Variants in XPOT observed in about 807,000 individuals in gnomAD.
XPOT encodes exportin-T.
In XPOT, 34 loss-of-function variants were observed where a neutral mutation model predicts 128.2. The observed-to-expected ratio is 0.27, with a 90% CI of 0.20 to 0.35. XPOT has a LOEUF of 0.35. XPOT is among the 10% of genes least tolerant of loss of function. The pLI, the probability that XPOT is intolerant of heterozygous loss-of-function variation, is 1.00. For synonymous variants in XPOT, 348 were observed against 394.3 expected (o/e 0.88, Z 1.39); for missense variants, 838 against 1,125.3 (o/e 0.74, Z 3.65).
chr12:64,425,126 G>C lies in XPOT; in HGVS notation c.1396G>C (p.Ala466Pro). The C allele has an allele frequency of 6.2e-7, 1 of 1,614,030 alleles. No homozygotes were observed. The highest frequency in any genetic ancestry group is 8.5e-7 in the Non-Finnish European group (1 of 1,179,990). ...LAEALPVSHG[A>P]HFSGDVSKAS... Reference sequence around the variant, plus strand: ...AGAAGCTCTTCCAGTATCTCATGGTGCTCACTTCTCAGGTGATGTTTCAAA... The same window carrying C: ...AGAAGCTCTTCCAGTATCTCATGGTCCTCACTTCTCAGGTGATGTTTCAAA... Residue 466 changes from alanine (A) to proline (P), a missense_variant, in exon 13 of 25, where the codon GCT becomes CCT. By Grantham distance (27) the Ala-to-Pro change is conservative (BLOSUM62 -1). Transcript: ENST00000332707.
At chr12:64,438,305 C>T (rs2040299184) in intron 22 of XPOT, among the ~76,000 whole-genome samples, 1 of 152,148 alleles carries the variant, frequency 6.6e-6, no homozygotes, top group African/African-American at 2.4e-5. Flanking sequence ...TATAAGTTTA[C>T]TTTCCCTGAT....
At position 64,410,076 on chromosome 12, in the gene XPOT, A is replaced by T; in HGVS notation, c.41A>T (p.Asp14Val). Residue 14 changes from aspartate to valine, a missense_variant, in exon 2 of 25, where the codon GAT becomes GTT. By Grantham distance (152) the Asp-to-Val change is radical (BLOSUM62 -3). Transcript: ENST00000332707. ...CTATTAGGGCTAAATCCAAATGCTGATTCAGACTTTAGACAAAGGGTAAGT... is the reference window on the plus strand; with the variant it reads ...CTATTAGGGCTAAATCCAAATGCTGTTTCAGACTTTAGACAAAGGGTAAGT... ...QALLGLNPNA[D>V]SDFRQRALAY... 1.9e-6 allele frequency: 3 copies of T among 1,613,908 alleles called. No individual in the cohort carries two copies. The highest frequency in any genetic ancestry group is 1.7e-6 in the Non-Finnish European group (2 of 1,179,998).
At chr12:64,440,505 T>C (rs1474732170) in intron 23 of XPOT, among the ~76,000 whole-genome samples, 1 of 152,202 alleles carries the variant, frequency 6.6e-6, no homozygotes, top group Non-Finnish European at 1.5e-5. Context: ...TATATGGTAG[T>C]CCTATTTTTA....
chr12:64,411,998 C>T (rs2040042392), intron 2 of XPOT, among the ~76,000 whole-genome samples: 1 of 150,288 alleles, frequency 6.7e-6, no homozygotes, highest in African/African-American at 2.4e-5. Flanking sequence ...TATCTCTCCT[C>T]TCCTTCCTCT....
intron 22 of XPOT, among the ~76,000 whole-genome samples, chr12:64,437,566 A>G (rs1275987835): frequency 1.3e-5 from 2 of 152,238 alleles, no homozygotes; most frequent in African/African-American, 4.8e-5. Flanking sequence ...GGCAGAAGTG[A>G]TAGCTAAAAA....
At chr12:64,418,360 T>C (rs1421795685) in intron 5 of XPOT, among the ~76,000 whole-genome samples, 3 of 152,204 alleles carry the variant, frequency 2.0e-5, no homozygotes, top group African/African-American at 4.8e-5. Flanking sequence ...TTTTAAAATG[T>C]AGTTGTTTTT....
rs912830093 is a variant in XPOT, at chr12:64,409,910, A to T, written c.-74-52A>T. 25 of 737,600 alleles carry T rather than the reference A, an allele frequency of 3.4e-5. 1 individual carries two copies. The highest frequency in any genetic ancestry group is 5.8e-5 in the Non-Finnish European group (24 of 414,394). 45.7% of individuals were successfully genotyped at this position (737,600 alleles called of 1,614,324 possible). The stretch of plus-strand genomic sequence containing the variant: ...TCCATTTACGTTATTCAGGATAAGC[A>T]TCTATTTGTTTATCAAGTAATGTTT... On this transcript the variant is annotated intron_variant, in intron 1 of 24. Transcript: ENST00000332707.
chr12:64,436,452 A>G (rs7954778), intron 22 of XPOT, among the ~76,000 whole-genome samples: 135,855 of 151,752 alleles, frequency 0.9, 60,998 homozygotes, highest in Admixed American at 0.94. Flanking sequence ...TAGAGATGGG[A>G]TTTCACCATG....
At chr12:64,444,495 A>G (rs1391323684) in intron 23 of XPOT, among the ~76,000 whole-genome samples, 1 of 152,250 alleles carries the variant, frequency 6.6e-6, no homozygotes, top group East Asian at 1.9e-4. Context: ...TAATCCTGTC[A>G]TATGCTATAA....
At chr12:64,437,130 T>C (rs1230128173) in intron 22 of XPOT, among the ~76,000 whole-genome samples, 1 of 152,166 alleles carries the variant, frequency 6.6e-6, no homozygotes, top group African/African-American at 2.4e-5. Flanking sequence ...TGATAGAGAC[T>C]TGAAGTGTTT....
intron 11 of XPOT, 143 bp downstream of exon 11, chr12:64,423,387 G>A: frequency 1.8e-6 from 1 of 563,204 alleles, no homozygotes; most frequent in Non-Finnish European, 3.0e-6. Context: ...CACCAACCTT[G>A]GGTGAAATTA....
At chr12:64,429,210 G>C (rs145071529) in intron 16 of XPOT, among the ~76,000 whole-genome samples, 1 of 152,120 alleles carries the variant, frequency 6.6e-6, no homozygotes, top group African/African-American at 2.4e-5. Flanking sequence ...GTTCAAGGCC[G>C]CAGAAGAAAA....
At chr12:64,415,065 G>T in intron 3 of XPOT, 76 bp downstream of exon 3, 2 of 900,474 alleles carry the variant, frequency 2.2e-6, no homozygotes, top group South Asian at 1.6e-5. Context: ...ACCTGTATTT[G>T]GAAAGTGTTT....
intron 16 of XPOT, among the ~76,000 whole-genome samples, chr12:64,429,778 A>C (rs1227125478): frequency 2.0e-5 from 3 of 152,180 alleles, no homozygotes; most frequent in Non-Finnish European, 4.4e-5. Context: ...AGATCTTTAC[A>C]AAAGAAAACA....
At chr12:64,444,985 AAAATT>A (rs1391837870) in intron 23 of XPOT, 85 bp from the exon 24 acceptor site, 5 of 1,135,528 alleles carry the variant, frequency 4.4e-6, no homozygotes, top group Non-Finnish European at 6.2e-6. Flanking sequence ...AAAAAAAAAA[AAAATT>A]AAAAAAAAAA....
intron 15 of XPOT, among the ~76,000 whole-genome samples, chr12:64,426,741 G>C (rs779868495): frequency 2.6e-5 from 4 of 152,168 alleles, no homozygotes; most frequent in Non-Finnish European, 5.9e-5. Flanking sequence ...CCAGCACTTT[G>C]GGAGGCTGAG....
intron 3 of XPOT, among the ~76,000 whole-genome samples, chr12:64,415,630 C>T (rs368259406): frequency 2.0e-5 from 3 of 152,142 alleles, no homozygotes; most frequent in Admixed American, 6.6e-5. Flanking sequence ...CCGCCCGTCT[C>T]GGCCTTCCAA....
rs934007344 is a variant in XPOT, at chr12:64,406,405, G to A, written c.-75+1601G>A. ...TTTTTTTAGATGGAGTTTCGCTCTC[G>A]TTGACCAGGCTGGAGTGCGGTGGCG... is the stretch of plus-strand genomic sequence containing the variant. On this transcript the variant is annotated intron_variant, in intron 1 of 24. Transcript: ENST00000332707. Among the ~76,000 whole-genome samples, 8 of 149,208 alleles carry A rather than the reference G, an allele frequency of 5.4e-5. No individual in the cohort carries two copies. The East Asian group carries it at 1.4e-3, about 26-fold the overall frequency.
intron 19 of XPOT, among the ~76,000 whole-genome samples, 189 bp downstream of exon 19, chr12:64,433,792 C>A (rs1325575001): frequency 1.3e-5 from 2 of 152,122 alleles, no homozygotes; most frequent in Admixed American, 1.3e-4. Context: ...AATTTGTATT[C>A]TGTTCCTTTT....
Sources: gnomAD v4.1 joint callset for allele counts (sites outside exome capture counted in the v4.1 genomes callset) on GRCh38, gnomAD v4.1.1 for gene constraint, MANE v1.5 for transcripts, NCBI Gene and HGNC (gene_info 2026-07-23, HGNC 2026-07-21) for gene names.